C11orf65: variants seen among roughly 807,000 people sequenced by gnomAD.
C11orf65 encodes chromosome 11 open reading frame 65.
A neutral mutation model predicts 35.3 loss-of-function variants in C11orf65; 38 were observed. The ratio of observed to expected loss-of-function variants is 1.08; its 90% CI spans 0.83 to 1.41. The LOEUF is 1.41. Ranked by LOEUF, C11orf65 falls within the 40% of genes most tolerant of loss-of-function variation. C11orf65 has a pLI of 0.00. For missense variants in C11orf65, 370 were observed against 367.1 expected (o/e 1.01, Z -0.06); for synonymous variants, 105 against 114.4 (o/e 0.92, Z 0.53).
intron 3 of C11orf65, chr11:108,332,903 A>T (rs772572722): frequency 6.2e-7 from 1 of 1,611,350 alleles, no homozygotes. Flanking sequence ...TCAGAGAAGT[A>T]TGTTTTTTTT....
intron 6 of C11orf65, chr11:108,325,249 G>GTTTTTTTTTTTTTTTTT (rs11366542): frequency 3.5e-6 from 2 of 566,214 alleles, no homozygotes; most frequent in African/African-American, 2.4e-5. Context: ...AACTTACATA[G>GTTTTTTTTTTTTTTTTT]TTTTTTTTTT....
rs528511348 is a variant in C11orf65, at chr11:108,356,522, G to A, written c.227-21230C>T. ...TTGCCCTCCAGCCTGGGCGACAAGA[G>A]CAAGACTCTGTCTGTCTTAAAAAAA... is the stretch of plus-strand genomic sequence containing the variant. On this transcript the variant is annotated intron_variant, in intron 2 of 3. Coordinates refer to the C11orf65 transcript ENST00000524755. 1.0e-4 allele frequency among the ~76,000 whole-genome samples: 14 copies of A among 138,760 alleles called. No individual in the cohort carries two copies. The East Asian group carries it at 2.2e-3, about 22-fold the overall frequency. The allele number at this position is 138,760 out of a possible 152,430, so 91.0% of individuals were successfully genotyped here.
intron 7 of C11orf65, among the ~76,000 whole-genome samples, chr11:108,386,974 G>T (rs949319178): frequency 6.6e-6 from 1 of 151,690 alleles, no homozygotes; most frequent in African/African-American, 2.4e-5. Context: ...TCAGCTACTC[G>T]GGAGGCTGAG....
chr11:108,426,549 A>G (rs2092905290), intron 3 of C11orf65, among the ~76,000 whole-genome samples: 1 of 152,200 alleles, frequency 6.6e-6, no homozygotes, highest in Non-Finnish European at 1.5e-5. Context: ...GGAAGAATCA[A>G]TACTGTGAAA....
At chr11:108,320,408 T>C (rs2085118082) in intron 6 of C11orf65, among the ~76,000 whole-genome samples, 1 of 152,208 alleles carries the variant, frequency 6.6e-6, no homozygotes, top group Non-Finnish European at 1.5e-5. Context: ...ACTTACAAAC[T>C]TGTTTTGAGG....
intron 7 of C11orf65, 98 bp downstream of exon 7, chr11:108,393,110 A>T: frequency 3.9e-6 from 5 of 1,287,046 alleles, no homozygotes; most frequent in Non-Finnish European, 5.3e-6. Flanking sequence ...TTCTTTGAAG[A>T]TTGTTTGTGG....
At chr11:108,363,265 C>T (rs543394076) in intron 2 of C11orf65, among the ~76,000 whole-genome samples, 22 of 152,306 alleles carry the variant, frequency 1.4e-4, no homozygotes, top group Non-Finnish European at 3.1e-4. Context: ...CATTGAGGCA[C>T]AGTCACTATT....
rs1404061954 is a variant in C11orf65 at position 108,308,885 on chromosome 11, G to C, written c.*86C>G. On this transcript the variant is annotated 3_prime_UTR_variant, in exon 7 of 7. Transcript: ENST00000525729. ...TTATACCAGATTATCTTCTGAGGAG[G>C]CCTATCAGAAGCTTTAATGTAGTGG... 3 of 731,466 alleles carry C rather than the reference G, an allele frequency of 4.1e-6. No homozygotes were observed. The Admixed American group carries it at 7.0e-5, about 17-fold the overall frequency. The allele number at this position is 731,466 out of a possible 1,614,324, so 45.3% of individuals were successfully genotyped here.
intron 2 of C11orf65, among the ~76,000 whole-genome samples, chr11:108,449,416 T>C (rs537924242): frequency 5.3e-5 from 8 of 152,076 alleles, no homozygotes; most frequent in East Asian, 1.9e-4. Context: ...CAAAACAGCA[T>C]GGTACTGGTA....
intron 2 of C11orf65, among the ~76,000 whole-genome samples, chr11:108,341,366 A>C (rs227072): frequency 0.54 from 81,890 of 151,648 alleles, 22,634 homozygotes; most frequent in Middle Eastern, 0.75. Context: ...TTTAAACTTA[A>C]GTTTTGTTCT....
chr11:108,317,218 C>A (rs923296080), intron 6 of C11orf65, among the ~76,000 whole-genome samples: 1 of 152,064 alleles, frequency 6.6e-6, no homozygotes, highest in African/African-American at 2.4e-5. Context: ...AGATTACAGG[C>A]ATGAGCCACC....
intron 2 of C11orf65, among the ~76,000 whole-genome samples, chr11:108,377,317 T>C (rs921411397): frequency 2.0e-5 from 3 of 152,356 alleles, no homozygotes; most frequent in Non-Finnish European, 2.9e-5. Context: ...GATGCCAGGC[T>C]GGTTCAATGT....
intron 7 of C11orf65, among the ~76,000 whole-genome samples, chr11:108,390,481 A>C (rs1384517397): frequency 6.6e-6 from 1 of 152,320 alleles, no homozygotes; most frequent in East Asian, 1.9e-4. Flanking sequence ...GACAGAATAT[A>C]GAATATCTGG....
intron 2 of C11orf65, among the ~76,000 whole-genome samples, chr11:108,346,792 G>GT: frequency 6.6e-6 from 1 of 151,970 alleles, no homozygotes; most frequent in Non-Finnish European, 1.5e-5. Flanking sequence ...CAGAAATGCA[G>GT]TTTTTTGGGG....
intron 3 of C11orf65, among the ~76,000 whole-genome samples, chr11:108,424,483 C>T (rs185373909): frequency 6.6e-6 from 1 of 152,172 alleles, no homozygotes. Flanking sequence ...AAACACTCTC[C>T]CAATACAGGA....
intron 2 of C11orf65, among the ~76,000 whole-genome samples, chr11:108,442,961 T>C (rs1031885148): frequency 3.3e-5 from 5 of 152,094 alleles, no homozygotes; most frequent in Non-Finnish European, 5.9e-5. Context: ...CAAATTCACA[T>C]ATAATAATAT....
At chr11:108,330,144 A>G, downstream of C11orf65, 1 of 1,510,376 alleles carries the variant, frequency 6.6e-7, no homozygotes, top group African/African-American at 1.4e-5. Context: ...AATGTTGTAT[A>G]TCATGTGTGA....
intron 2 of C11orf65, among the ~76,000 whole-genome samples, chr11:108,353,005 A>G (rs2089398299): frequency 6.6e-6 from 1 of 152,142 alleles, no homozygotes; most frequent in African/African-American, 2.4e-5. Context: ...GGAATATTAT[A>G]TATCTTGACT....
chr11:108,410,500 C>T (rs76663113), intron 3 of C11orf65, among the ~76,000 whole-genome samples: 1,895 of 152,144 alleles, frequency 0.012, 44 homozygotes, highest in African/African-American at 0.042. Flanking sequence ...ACTAAAGGCA[C>T]GCACCATCGT....
Sources: allele counts gnomAD v4.1 joint callset (sites outside exome capture counted in the v4.1 genomes callset), GRCh38; gene constraint gnomAD v4.1.1; transcripts MANE v1.5; gene names NCBI Gene and HGNC (gene_info 2026-07-23, HGNC 2026-07-21).